Variants in PYROXD1 observed in about 807,000 individuals in gnomAD.
PYROXD1 encodes pyridine nucleotide-disulphide oxidoreductase domain 1, also known as tRNA ligase complex-associated NAD(P)H dehydrogenase PYROXD1.
Under a neutral mutation model 62.0 loss-of-function variants are expected in PYROXD1, and 42 were observed. The observed-to-expected ratio is 0.68, with a 90% CI of 0.53 to 0.88. The LOEUF (loss-of-function observed/expected upper bound fraction) is 0.88. PYROXD1 is among the 40% of genes least tolerant of loss of function. The pLI is 0.00. For missense variants in PYROXD1, 493 were observed against 604.8 expected (o/e 0.82, Z 1.94); for synonymous variants, 170 against 206.4 (o/e 0.82, Z 1.51).
At chr12:21,455,887 A>G (rs1249362434) in intron 6 of PYROXD1, 108 bp from the exon 7 acceptor site, 2 of 668,290 alleles carry the variant, frequency 3.0e-6, no homozygotes, top group African/African-American at 3.7e-5. Context: ...GTCATGCTGT[A>G]ATGTATGTAT....
rs184761901 is a variant in PYROXD1, at chr12:21,442,067, A to G, written c.165+1619A>G. Among the ~76,000 whole-genome samples the G allele has an allele frequency of 2.8e-3, 430 of 152,296 alleles. 3 individuals carry two copies. Among genetic ancestry groups the G allele is most frequent in the Admixed American group, 0.02 (307 of 15,300 alleles). ...GTAGTGAGGGTTGTTGGGGTTTTCA[A>G]TGTCAATGGCTGCTAATAGCCTCCC... On this transcript the variant is annotated intron_variant, in intron 2 of 11. Coordinates refer to ENST00000240651, the MANE Select transcript of PYROXD1 (RefSeq NM_024854.5).
At chr12:21,448,028 T>G in intron 3 of PYROXD1, 1 of 463,806 alleles carries the variant, frequency 2.2e-6, no homozygotes, top group Non-Finnish European at 4.1e-6. Context: ...CGTGTGAAGG[T>G]ATCTCTCTAA....
chr12:21,468,691 T>C lies in PYROXD1; in HGVS notation c.1440T>C (p.Asn480=). The C allele has an allele frequency of 6.2e-7, 1 of 1,611,190 alleles. No individual in the cohort carries two copies. The highest frequency in any genetic ancestry group is 1.1e-5 in the South Asian group (1 of 90,884). ...TFENLILNQM[N]LSSYGEDLLD... The stretch of plus-strand genomic sequence containing the variant: ...AAAACCTAATCTTAAACCAAATGAA[T>C]CTTTCATCATATGGAGAAGATCTGC... Residue 480 remains asparagine, a synonymous_variant, in exon 12 of 12, where the codon AAT becomes AAC. Coordinates refer to ENST00000240651, the MANE Select transcript of PYROXD1 (RefSeq NM_024854.5).
chr12:21,450,436 G>GA (rs1942474411), intron 4 of PYROXD1, among the ~76,000 whole-genome samples: 1 of 152,144 alleles, frequency 6.6e-6, no homozygotes, highest in South Asian at 2.1e-4. Flanking sequence ...ACAAAATCAT[G>GA]ATAGAATCAT....
chr12:21,440,070 T>C (rs1371453415), intron 1 of PYROXD1, among the ~76,000 whole-genome samples: 2 of 152,196 alleles, frequency 1.3e-5, no homozygotes, highest in African/African-American at 4.8e-5. Flanking sequence ...TAACTCTAAA[T>C]TGGTATAAAA....
chr12:21,460,969 A>G, intron 7 of PYROXD1, 56 bp from the exon 8 acceptor site: 1 of 1,066,098 alleles, frequency 9.4e-7, no homozygotes, highest in African/African-American at 1.6e-5. Context: ...CATCATTAGT[A>G]ACCCGGGTTA....
intron 1 of PYROXD1, among the ~76,000 whole-genome samples, chr12:21,439,123 A>G (rs1942248890): frequency 6.6e-6 from 1 of 152,252 alleles, no homozygotes; most frequent in Admixed American, 6.5e-5. Flanking sequence ...AGCATGGATC[A>G]TCAGGGAGCA....
At chr12:21,463,472 T>G (rs1040433556) in intron 10 of PYROXD1, among the ~76,000 whole-genome samples, 1 of 152,012 alleles carries the variant, frequency 6.6e-6, no homozygotes, top group East Asian at 1.9e-4. Context: ...AGGTGTATCA[T>G]CTGAAGTTAG....
At chr12:21,444,312 A>G (rs714356) in intron 2 of PYROXD1, among the ~76,000 whole-genome samples, 74,887 of 152,018 alleles carry the variant, frequency 0.49, 18,507 homozygotes, top group Middle Eastern at 0.59. Context: ...TTTATTGAGT[A>G]CCTATATTAT....
At chr12:21,461,492 A>T (rs1471295809) in intron 8 of PYROXD1, among the ~76,000 whole-genome samples, 1 of 152,162 alleles carries the variant, frequency 6.6e-6, no homozygotes, top group Non-Finnish European at 1.5e-5. Flanking sequence ...TATTTTTGGG[A>T]CTAAGATGCA....
chr12:21,461,244 G>T lies in PYROXD1; in HGVS notation c.880+90G>T, dbSNP rs186682069. ...GCTGTGTTCTATTAAAAATAACTTC[G>T]TATTTCCATATAAAATTTAAACATG... On this transcript the variant is annotated intron_variant, in intron 8 of 11. Coordinates refer to ENST00000240651, the MANE Select transcript of PYROXD1 (RefSeq NM_024854.5). 182 of 790,954 alleles carry T rather than the reference G, an allele frequency of 2.3e-4. No individual in the cohort carries two copies. The African/African-American group carries it at 3.0e-3, about 13-fold the overall frequency. 49.0% of individuals were successfully genotyped at this position (790,954 alleles called of 1,614,324 possible).
chr12:21,467,272 A>C, intron 10 of PYROXD1: 1 of 453,460 alleles, frequency 2.2e-6, no homozygotes, highest in Non-Finnish European at 3.9e-6. Flanking sequence ...GATTGGTATC[A>C]TCTTTTAATT....
chr12:21,462,272 C>A (rs907023349), intron 9 of PYROXD1, 152 bp downstream of exon 9: 1 of 589,012 alleles, frequency 1.7e-6, no homozygotes. Context: ...TCTTGATTTA[C>A]AGTATTTTTT....
At position 21,468,631 on chromosome 12, in the gene PYROXD1, C is replaced by G; in HGVS notation, c.1380C>G (p.Val460=). 1 of 1,612,974 alleles carries G rather than the reference C, an allele frequency of 6.2e-7. No homozygotes were observed. Among genetic ancestry groups the G allele is most frequent in the Non-Finnish European group, 8.5e-7 (1 of 1,179,368 alleles). The part of the protein sequence containing the change: ...VMQNGRMMGA[V]LIGETDLEET... ...AAAATGGACGAATGATGGGAGCTGT[C>G]TTAATTGGTGAAACCGATTTAGAAG... Residue 460 remains valine (V), a synonymous_variant, in exon 12 of 12, where the codon GTC becomes GTG. Transcript: ENST00000240651.
intron 1 of PYROXD1, among the ~76,000 whole-genome samples, chr12:21,439,616 T>A (rs1425675791): frequency 2.0e-5 from 3 of 151,820 alleles, no homozygotes; most frequent in African/African-American, 4.8e-5. Flanking sequence ...AAAAAAAAAA[T>A]AAATAATCCC....
rs755107222 is a variant in PYROXD1, at chr12:21,449,697, A to G, written c.414+6A>G. 6.3e-7 allele frequency: 1 copy of G among 1,595,390 alleles called. No individual in the cohort carries two copies. Among genetic ancestry groups the G allele is most frequent in the East Asian group, 2.2e-5 (1 of 44,536 alleles). ...GTGATACAGACAGTGCTCAGGTAAC[A>G]TTTTAAGGTTGGATCGTGAGAAGGA... On this transcript the variant is annotated splice_donor_region_variant and intron_variant, in intron 4 of 11. Transcript: ENST00000240651.
In PYROXD1 at chr12:21,471,008, A is replaced by C; in HGVS notation, c.*2254A>C. On this transcript the variant is annotated 3_prime_UTR_variant, in exon 12 of 12. Coordinates refer to ENST00000240651, the MANE Select transcript of PYROXD1 (RefSeq NM_024854.5). ...GCGTGGACTTTGTCACTTGCATAGT[A>C]ATAGCATGTGCCTCATTGTTCAGAA... The C allele has an allele frequency of 1.3e-6, 2 of 1,591,704 alleles. No homozygotes were observed. Among genetic ancestry groups the C allele is most frequent in the Non-Finnish European group, 1.7e-6 (2 of 1,171,542 alleles).
intron 5 of PYROXD1, among the ~76,000 whole-genome samples, chr12:21,452,879 CTT>C (rs149859381): frequency 0.071 from 10,828 of 152,128 alleles, 450 homozygotes; most frequent in Middle Eastern, 0.12. Context: ...AAAGCCATAT[CTT>C]TGCTCACTTG....
At chr12:21,444,923 G>GA (rs1160042365) in intron 2 of PYROXD1, among the ~76,000 whole-genome samples, 1 of 152,196 alleles carries the variant, frequency 6.6e-6, no homozygotes, top group Non-Finnish European at 1.5e-5. Flanking sequence ...TAGCTGGACA[G>GA]AAAGGAAAGT....
Sources: gnomAD v4.1 joint callset for allele counts (sites outside exome capture counted in the v4.1 genomes callset) on GRCh38, gnomAD v4.1.1 for gene constraint, MANE v1.5 for transcripts, NCBI Gene and HGNC (gene_info 2026-07-23, HGNC 2026-07-21) for gene names.